Variants in CLSTN2 observed in about 807,000 individuals in gnomAD.
CLSTN2 encodes calsyntenin 2, also known as calsyntenin-2.
CLSTN2 carries 48 observed loss-of-function variants against 101.2 expected under a neutral mutation model. The ratio of observed to expected loss-of-function variants is 0.47; its 90% CI spans 0.38 to 0.60. The LOEUF is 0.60. CLSTN2 is among the 20% of genes least tolerant of loss of function. CLSTN2 has a pLI of 0.00. For synonymous variants in CLSTN2, 481 were observed against 463.6 expected, an observed-to-expected ratio of 1.04 and a Z score of -0.48; for missense variants, 1,160 against 1,238.2, an observed-to-expected ratio of 0.94 and a Z score of 0.95.
chr3:140,337,921 C>T (rs1262896249), intron 2 of CLSTN2, among the ~76,000 whole-genome samples: 1 of 152,172 alleles, frequency 6.6e-6, no homozygotes, highest in Non-Finnish European at 1.5e-5. Context: ...CAGAGACTAG[C>T]ATGATGCCCA....
At chr3:140,002,207 C>T (rs1281055001) in intron 1 of CLSTN2, among the ~76,000 whole-genome samples, 1 of 152,130 alleles carries the variant, frequency 6.6e-6, no homozygotes, top group Non-Finnish European at 1.5e-5. Flanking sequence ...GCATTTTCTC[C>T]ACGTCCTCAC....
At chr3:140,020,079 G>A (rs1225375116) in intron 1 of CLSTN2, among the ~76,000 whole-genome samples, 1 of 152,158 alleles carries the variant, frequency 6.6e-6, no homozygotes, top group Admixed American at 6.5e-5. Context: ...GGGAGTATGT[G>A]GAGCTCATCT....
chr3:140,135,916 A>G (rs1413594146), intron 1 of CLSTN2, among the ~76,000 whole-genome samples: 1 of 152,228 alleles, frequency 6.6e-6, no homozygotes. Context: ...GAATGCAGAT[A>G]TATGCTTAGG....
At chr3:140,209,483 G>T (rs2010828565) in intron 2 of CLSTN2, among the ~76,000 whole-genome samples, 1 of 152,198 alleles carries the variant, frequency 6.6e-6, no homozygotes, top group South Asian at 2.1e-4. Context: ...AATTCTGGAA[G>T]TAGGTTAACT....
intron 1 of CLSTN2, among the ~76,000 whole-genome samples, chr3:140,041,864 G>A (rs960861497): frequency 6.6e-6 from 1 of 152,138 alleles, no homozygotes; most frequent in African/African-American, 2.4e-5. Flanking sequence ...TATACAGACT[G>A]GGTGAGACAA....
At chr3:140,023,434 C>G (rs1282216713) in intron 1 of CLSTN2, among the ~76,000 whole-genome samples, 1 of 152,160 alleles carries the variant, frequency 6.6e-6, no homozygotes, top group Admixed American at 6.5e-5. Flanking sequence ...CAGAGGAGAA[C>G]TCGCTCAACA....
intron 16 of CLSTN2, among the ~76,000 whole-genome samples, chr3:140,564,385 A>G (rs1935990820): frequency 6.6e-6 from 1 of 152,186 alleles, no homozygotes; most frequent in Non-Finnish European, 1.5e-5. Context: ...CTTACCCCAC[A>G]AACAGAACCA....
chr3:140,030,939 T>A (rs1298015421), intron 1 of CLSTN2, among the ~76,000 whole-genome samples: 2 of 152,198 alleles, frequency 1.3e-5, no homozygotes, highest in African/African-American at 4.8e-5. Context: ...GCACCCCAGA[T>A]GAATGGGCAC....
chr3:140,360,641 A>T (rs1277622142), intron 2 of CLSTN2, among the ~76,000 whole-genome samples: 1 of 152,220 alleles, frequency 6.6e-6, no homozygotes. Context: ...AATACAAGTG[A>T]AAAAGCTCAT....
chr3:140,232,350 T>A (rs1414306526), intron 2 of CLSTN2, among the ~76,000 whole-genome samples: 1 of 152,168 alleles, frequency 6.6e-6, no homozygotes, highest in African/African-American at 2.4e-5. Context: ...ATGCTTGACA[T>A]TGAATGTTAG....
intron 2 of CLSTN2, among the ~76,000 whole-genome samples, chr3:140,297,901 A>T (rs1182106253): frequency 6.6e-6 from 1 of 152,268 alleles, no homozygotes; most frequent in Admixed American, 6.5e-5. Context: ...CATTGAAAGT[A>T]GAAAATACAT....
chr3:140,000,420 T>C (rs1012187015), intron 1 of CLSTN2, among the ~76,000 whole-genome samples: 2 of 152,224 alleles, frequency 1.3e-5, no homozygotes, highest in Non-Finnish European at 2.9e-5. Flanking sequence ...CATTAAAGAT[T>C]AGCTACAGTT....
intron 1 of CLSTN2, among the ~76,000 whole-genome samples, chr3:140,175,625 A>G (rs2010310784): frequency 6.6e-6 from 1 of 152,184 alleles, no homozygotes; most frequent in South Asian, 2.1e-4. Context: ...GTTCTCAGTA[A>G]CATCTATCTG....
intron 1 of CLSTN2, among the ~76,000 whole-genome samples, chr3:140,111,065 G>A (rs1376881099): frequency 6.6e-6 from 1 of 152,160 alleles, no homozygotes; most frequent in African/African-American, 2.4e-5. Flanking sequence ...GGTTTAATGT[G>A]TATCACTCTA....
intron 5 of CLSTN2, among the ~76,000 whole-genome samples, chr3:140,432,665 C>A (rs1336002679): frequency 6.6e-6 from 1 of 152,160 alleles, no homozygotes; most frequent in Non-Finnish European, 1.5e-5. Flanking sequence ...TCAATGGTAT[C>A]TTAATGTGCT....
chr3:140,086,689 T>C (rs2008689036), intron 1 of CLSTN2, among the ~76,000 whole-genome samples: 1 of 152,214 alleles, frequency 6.6e-6, no homozygotes, highest in South Asian at 2.1e-4. Context: ...CTCTTTCAGA[T>C]GTTTTCTACA....
intron 2 of CLSTN2, among the ~76,000 whole-genome samples, chr3:140,220,596 AG>A (rs2086261198): frequency 6.6e-6 from 1 of 152,248 alleles, no homozygotes; most frequent in Admixed American, 6.5e-5. Flanking sequence ...ATGCTTTCAG[AG>A]GCACATTTGC....
intron 1 of CLSTN2, among the ~76,000 whole-genome samples, chr3:139,980,108 G>A (rs1251020595): frequency 6.6e-6 from 1 of 152,072 alleles, no homozygotes; most frequent in Non-Finnish European, 1.5e-5. Flanking sequence ...CTGAATGACT[G>A]CAGTAGTCTC....
chr3:140,223,142 A>G (rs550562863), intron 2 of CLSTN2, among the ~76,000 whole-genome samples: 9 of 152,354 alleles, frequency 5.9e-5, no homozygotes, highest in Admixed American at 1.3e-4. Context: ...TCACTCACCC[A>G]GATGGCCCTG....
Sources: gnomAD v4.1 joint callset for allele counts (sites outside exome capture counted in the v4.1 genomes callset) on GRCh38, gnomAD v4.1.1 for gene constraint, MANE v1.5 for transcripts, NCBI Gene and HGNC (gene_info 2026-07-23, HGNC 2026-07-21) for gene names.